CSTPP1: variants seen among roughly 807,000 people sequenced by gnomAD.
CSTPP1 encodes the protein UPF0705 protein C11orf49.
the CSTPP1 span, among the ~76,000 whole-genome samples, chr11:47,162,976 T>C: frequency 6.6e-6 from 1 of 151,954 alleles, no homozygotes; most frequent in Non-Finnish European, 1.5e-5. Context: ...GCCCAGGAGT[T>C]CAGGACCACC....
At chr11:47,002,119 T>A in the CSTPP1 span, among the ~76,000 whole-genome samples, 1 of 150,906 alleles carries the variant, frequency 6.6e-6, no homozygotes, top group Non-Finnish European at 1.5e-5. Context: ...AGTTCTTAGC[T>A]GTTAAACATT....
the CSTPP1 span, among the ~76,000 whole-genome samples, chr11:46,968,220 C>G: frequency 6.6e-6 from 1 of 151,558 alleles, no homozygotes; most frequent in African/African-American, 2.4e-5. Flanking sequence ...CTACTGGGGC[C>G]TAGCGCAGGA....
chr11:46,936,945 G>T, the CSTPP1 span: 1 of 1,316,426 alleles, frequency 7.6e-7, no homozygotes, highest in Non-Finnish European at 9.9e-7. Flanking sequence ...GAGTGGGATC[G>T]GGTCCGGGTG....
the CSTPP1 span, among the ~76,000 whole-genome samples, chr11:47,125,963 G>T: frequency 6.6e-6 from 1 of 151,542 alleles, no homozygotes; most frequent in Admixed American, 6.6e-5. Context: ...GTTGTAGTGA[G>T]CTAAGATTGT....
At chr11:47,010,786 GTTATTC>G in the CSTPP1 span, among the ~76,000 whole-genome samples, 1 of 152,120 alleles carries the variant, frequency 6.6e-6, no homozygotes, top group Non-Finnish European at 1.5e-5. Flanking sequence ...TGATTGGACT[GTTATTC>G]TTATTTACAG....
chr11:46,970,059 ATG>A, the CSTPP1 span, among the ~76,000 whole-genome samples: 1 of 152,232 alleles, frequency 6.6e-6, no homozygotes, highest in South Asian at 2.1e-4. Flanking sequence ...TAGTTTATAT[ATG>A]TATACACACA....
At chr11:46,959,620 T>C in the CSTPP1 span, among the ~76,000 whole-genome samples, 1 of 152,240 alleles carries the variant, frequency 6.6e-6, no homozygotes, top group Non-Finnish European at 1.5e-5. Flanking sequence ...TGATACCTAC[T>C]GTTCCTAAGC....
At chr11:47,127,657 T>C in the CSTPP1 span, among the ~76,000 whole-genome samples, 2 of 152,002 alleles carry the variant, frequency 1.3e-5, no homozygotes, top group African/African-American at 4.8e-5. Context: ...TGCTTATCTA[T>C]GCCATGTACC....
At chr11:47,063,590 G>T in the CSTPP1 span, among the ~76,000 whole-genome samples, 1 of 152,032 alleles carries the variant, frequency 6.6e-6, no homozygotes, top group Non-Finnish European at 1.5e-5. Context: ...GTCCTTTTGT[G>T]TCTCACTTAT....
the CSTPP1 span, among the ~76,000 whole-genome samples, chr11:46,972,505 A>G: frequency 2.0e-5 from 3 of 152,160 alleles, no homozygotes; most frequent in Admixed American, 6.6e-5. Context: ...GAGCTGGGCT[A>G]TTTGAGCGGT....
the CSTPP1 span, chr11:47,137,792 C>A: frequency 6.6e-7 from 1 of 1,506,530 alleles, no homozygotes; most frequent in Admixed American, 1.7e-5. Context: ...CCTAGAGAAA[C>A]CTGGAGTGTA....
At chr11:47,121,452 G>A in the CSTPP1 span, among the ~76,000 whole-genome samples, 1 of 152,090 alleles carries the variant, frequency 6.6e-6, no homozygotes, top group Non-Finnish European at 1.5e-5. Context: ...ATATTACTGT[G>A]TAAGGTACAG....
chr11:47,091,743 G>A, the CSTPP1 span, among the ~76,000 whole-genome samples: 1 of 152,162 alleles, frequency 6.6e-6, no homozygotes, highest in South Asian at 2.1e-4. Flanking sequence ...TGACGGGAGA[G>A]GAAGAAGACA....
the CSTPP1 span, among the ~76,000 whole-genome samples, chr11:46,999,912 T>C: frequency 6.6e-6 from 1 of 152,336 alleles, no homozygotes; most frequent in Admixed American, 6.5e-5. Flanking sequence ...TTCAAACAAG[T>C]CCATGACTGT....
the CSTPP1 span, among the ~76,000 whole-genome samples, chr11:47,051,489 C>T: frequency 3.3e-5 from 5 of 152,064 alleles, no homozygotes; most frequent in Admixed American, 3.3e-4. Flanking sequence ...CCACTTTATA[C>T]CCTTGTTTCT....
the CSTPP1 span, among the ~76,000 whole-genome samples, chr11:47,054,897 C>T: frequency 6.7e-6 from 1 of 149,758 alleles, no homozygotes. Context: ...TTTTTAAAAG[C>T]CTTCAAGTAA....
At chr11:47,107,820 CA>C in the CSTPP1 span, among the ~76,000 whole-genome samples, 13 of 150,754 alleles carry the variant, frequency 8.6e-5, no homozygotes, top group Non-Finnish European at 1.5e-4. Context: ...GACAAGGTGG[CA>C]AAAAAAAATT....
the CSTPP1 span, among the ~76,000 whole-genome samples, chr11:47,103,482 G>A: frequency 1.3e-5 from 2 of 151,504 alleles, no homozygotes; most frequent in Non-Finnish European, 1.5e-5. Context: ...TTTTAAGTTT[G>A]CTCTTGCTGC....
the CSTPP1 span, among the ~76,000 whole-genome samples, chr11:47,091,801 A>G: frequency 6.6e-5 from 10 of 152,350 alleles, no homozygotes; most frequent in African/African-American, 2.4e-4. Context: ...GTGACATGAC[A>G]TGGGGCCACA....
Sources: gnomAD v4.1 joint callset for allele counts (sites outside exome capture counted in the v4.1 genomes callset) on GRCh38, gnomAD v4.1.1 for gene constraint, MANE v1.5 for transcripts, NCBI Gene and HGNC (gene_info 2026-07-23, HGNC 2026-07-21) for gene names.